GRIA4: variants seen among roughly 807,000 people sequenced by gnomAD.
GRIA4 encodes glutamate ionotropic receptor AMPA type subunit 4.
GRIA4 carries 34 observed loss-of-function variants against 104.0 expected under a neutral mutation model. That is an observed-to-expected ratio of 0.33 (90% CI 0.25 to 0.44). The LOEUF is 0.44. Among genes scored for constraint, GRIA4 ranks in the 20% least tolerant of loss-of-function variants. The pLI, the probability that GRIA4 is intolerant of heterozygous loss-of-function variation, is 1.00. For missense variants in GRIA4, 750 were observed against 1,096.5 expected (o/e 0.68, Z 4.46); for synonymous variants, 386 against 381.9 (o/e 1.01, Z -0.13).
intron 16 of GRIA4, chr11:105,974,857 G>C (rs1858895832): frequency 4.4e-6 from 1 of 225,924 alleles, no homozygotes; most frequent in African/African-American, 2.2e-5. Context: ...TTAGATCTGG[G>C]CTTCCTTGCA....
chr11:105,808,370 C>A (rs1943036913), intron 4 of GRIA4, among the ~76,000 whole-genome samples: 1 of 151,878 alleles, frequency 6.6e-6, no homozygotes, highest in South Asian at 2.1e-4. Context: ...TCCCTGGATC[C>A]AAGGTTGGAA....
rs1951767884 is a variant in GRIA4, at chr11:105,654,027, A to AAG, written c.247+41593_247+41594insAG. ...AAAAAAAAAAAAAAAAAAAAAAAAA[A>AAG]GAAAACAAAAAAGAAGAAGAAGGAA... On this transcript the variant is annotated intron_variant, in intron 3 of 16. Coordinates refer to ENST00000282499, the MANE Select transcript of GRIA4 (RefSeq NM_000829.4). Among the ~76,000 whole-genome samples, 3 of 117,628 alleles carry AAG rather than the reference A, an allele frequency of 2.6e-5. No homozygotes were observed. The South Asian group carries it at 8.1e-4, about 32-fold the overall frequency. The allele number at this position is 117,628 out of a possible 152,430, so 77.2% of individuals were successfully genotyped here.
At chr11:105,903,536 TTTC>T (rs1340519558) in intron 7 of GRIA4, among the ~76,000 whole-genome samples, 1 of 152,226 alleles carries the variant, frequency 6.6e-6, no homozygotes, top group Non-Finnish European at 1.5e-5. Context: ...CCTAGGGGTC[TTTC>T]TTCTCCAAAT....
At chr11:105,900,614 T>G (rs1946819634) in intron 7 of GRIA4, among the ~76,000 whole-genome samples, 1 of 152,042 alleles carries the variant, frequency 6.6e-6, no homozygotes, top group Admixed American at 6.6e-5. Context: ...TGAGACAGAG[T>G]CTCTCTCCGT....
chr11:105,688,326 A>G (rs1263752495), intron 3 of GRIA4, among the ~76,000 whole-genome samples: 1 of 152,144 alleles, frequency 6.6e-6, no homozygotes, highest in Non-Finnish European at 1.5e-5. Context: ...TGGGAGGCCG[A>G]GGCGGGTGGA....
chr11:105,782,868 A>C (rs1941789758), intron 4 of GRIA4, among the ~76,000 whole-genome samples: 1 of 152,180 alleles, frequency 6.6e-6, no homozygotes, highest in Non-Finnish European at 1.5e-5. Flanking sequence ...GTCTCGCTTC[A>C]GCATTTACTG....
chr11:105,776,771 C>T lies in GRIA4; in HGVS notation c.487+23551C>T, dbSNP rs1941468880. On this transcript the variant is annotated intron_variant, in intron 4 of 16. Transcript: ENST00000282499. ...TAGCAGAGAGCCAGATGTGAAATTC[C>T]ACCCTCACAAAGCATTTGTGAGTAG... Among the ~76,000 whole-genome samples, 2 of 152,140 alleles carry T rather than the reference C, an allele frequency of 1.3e-5. 1 individual carries two copies. Among genetic ancestry groups the T allele is most frequent in the South Asian group, 4.1e-4 (2 of 4,826 alleles).
chr11:105,886,851 T>C (rs902287051), intron 5 of GRIA4, among the ~76,000 whole-genome samples: 1 of 151,884 alleles, frequency 6.6e-6, no homozygotes, highest in African/African-American at 2.4e-5. Flanking sequence ...CTAGAATTTT[T>C]TTTAAAAAAA....
chr11:105,911,928 C>T (rs72978094), intron 10 of GRIA4: 136,220 of 1,550,522 alleles, frequency 0.088, 7,193 homozygotes, highest in Admixed American at 0.22. Flanking sequence ...AAAAGAGTTC[C>T]GCGCTGTTCG....
At position 105,882,872 on chromosome 11, in the gene GRIA4, C is replaced by T. The variant is rs546663809; in HGVS notation, c.673-4647C>T. Among the ~76,000 whole-genome samples the T allele has an allele frequency of 3.3e-5, 5 of 152,276 alleles. No individual in the cohort carries two copies. The East Asian group carries it at 9.6e-4, about 29-fold the overall frequency. On this transcript the variant is annotated intron_variant, in intron 5 of 16. Transcript: ENST00000282499. ...GGAAAAGTGTCCTAATTCATTTTCT[C>T]CAACTTCCATCAAAGACTAAGGATT... is the stretch of plus-strand genomic sequence containing the variant.
chr11:105,727,631 A>T (rs1428463520), intron 3 of GRIA4, among the ~76,000 whole-genome samples: 1 of 152,152 alleles, frequency 6.6e-6, no homozygotes, highest in African/African-American at 2.4e-5. Flanking sequence ...AGAGAGATAA[A>T]GCAGGTCGCC....
At chr11:105,695,584 G>GAAA (rs954585761) in intron 3 of GRIA4, among the ~76,000 whole-genome samples, 1 of 152,052 alleles carries the variant, frequency 6.6e-6, no homozygotes, top group African/African-American at 2.4e-5. Flanking sequence ...GAAAAGGGTA[G>GAAA]CCTTTCCTAA....
chr11:105,945,802 C>T (rs1948292312), intron 14 of GRIA4, among the ~76,000 whole-genome samples: 1 of 152,002 alleles, frequency 6.6e-6, no homozygotes, highest in Non-Finnish European at 1.5e-5. Flanking sequence ...CTTGCATAGG[C>T]CTTAGAAAAT....
rs1412079050 is a variant in GRIA4 at position 105,771,797 on chromosome 11, C to T, written c.487+18577C>T. On this transcript the variant is annotated intron_variant, in intron 4 of 16. Coordinates refer to ENST00000282499, the MANE Select transcript of GRIA4 (RefSeq NM_000829.4). ...ATTTGTAACAATTTGAAAAAACTTG[C>T]AGATGAACCATGTAGCCTTATATTT... Among the ~76,000 whole-genome samples, 4 of 151,944 alleles carry T rather than the reference C, an allele frequency of 2.6e-5. No individual in the cohort carries two copies. The East Asian group carries it at 7.7e-4, about 29-fold the overall frequency.
chr11:105,923,282 C>T (rs949246984), intron 11 of GRIA4, among the ~76,000 whole-genome samples: 18 of 152,118 alleles, frequency 1.2e-4, no homozygotes, highest in Non-Finnish European at 2.4e-4. Context: ...TTTCACACTA[C>T]ACTTGATTTC....
intron 3 of GRIA4, among the ~76,000 whole-genome samples, chr11:105,734,013 T>C (rs549897167): frequency 1.4e-5 from 2 of 147,390 alleles, no homozygotes; most frequent in South Asian, 4.2e-4. Flanking sequence ...ATTATATACA[T>C]ATATATGAAT....
chr11:105,872,850 T>G (rs1945667713), intron 5 of GRIA4, among the ~76,000 whole-genome samples: 1 of 152,156 alleles, frequency 6.6e-6, no homozygotes. Context: ...TAATTTTTTG[T>G]ATATAAATGA....
chr11:105,711,452 A>T (rs1235144617), intron 3 of GRIA4, among the ~76,000 whole-genome samples: 1 of 152,066 alleles, frequency 6.6e-6, no homozygotes, highest in Admixed American at 6.6e-5. Flanking sequence ...AAAAGAAAAA[A>T]AATTATTCCT....
intron 3 of GRIA4, among the ~76,000 whole-genome samples, chr11:105,614,764 AT>A (rs1224762441): frequency 6.6e-6 from 1 of 152,016 alleles, no homozygotes; most frequent in Non-Finnish European, 1.5e-5. Flanking sequence ...TCTAAGCAGA[AT>A]TTGGGAAAAA....
Sources: allele counts gnomAD v4.1 joint callset (sites outside exome capture counted in the v4.1 genomes callset), GRCh38; gene constraint gnomAD v4.1.1; transcripts MANE v1.5; gene names NCBI Gene and HGNC (gene_info 2026-07-23, HGNC 2026-07-21).